Variants in FHAD1 observed in about 807,000 individuals in gnomAD.
The protein encoded by FHAD1 is forkhead associated phosphopeptide binding domain 1.
A neutral mutation model predicts 191.3 loss-of-function variants in FHAD1; 146 were observed. That is an observed-to-expected ratio of 0.76 (90% confidence interval 0.67 to 0.88). The LOEUF (loss-of-function observed/expected upper bound fraction) is 0.88. Among genes scored for constraint, FHAD1 ranks in the 40% least tolerant of loss-of-function variants. The pLI is 0.00. For synonymous variants in FHAD1, 616 were observed against 672.3 expected, an observed-to-expected ratio of 0.92 and a Z score of 1.29; for missense variants, 1,635 against 1,785.8, an observed-to-expected ratio of 0.92 and a Z score of 1.52.
chr1:15,324,177 T>C (rs1388321725), intron 10 of FHAD1, among the ~76,000 whole-genome samples: 2 of 152,198 alleles, frequency 1.3e-5, no homozygotes, highest in Non-Finnish European at 2.9e-5. Context: ...ATGACTTTGC[T>C]GAGGTCATAC....
chr1:15,272,472 C>G lies in FHAD1; in HGVS notation c.243C>G (p.Ile81Met), dbSNP rs1422727480. The change falls in exon 3 of 34, where the codon ATC (isoleucine) becomes ATG (methionine). Residue 81 changes from isoleucine to methionine, a missense_variant. By Grantham distance (10) the Ile-to-Met change is conservative. Coordinates refer to ENST00000688493, the MANE Select transcript of FHAD1 (RefSeq NM_001391957.1). ...NVAVKLIPGDILRFGSAGLTY... is the reference protein window; with the variant it reads ...NVAVKLIPGDMLRFGSAGLTY... Reference sequence around the variant, plus strand: ...CTGTGAAGCTCATCCCTGGAGACATCCTGAGATTTGGGTCTGCAGGGCTGA... The same window carrying G: ...CTGTGAAGCTCATCCCTGGAGACATGCTGAGATTTGGGTCTGCAGGGCTGA... 1 of 1,551,106 alleles carries G rather than the reference C, an allele frequency of 6.4e-7. No homozygotes were observed. The highest frequency in any genetic ancestry group is 2.0e-5 in the Admixed American group (1 of 51,004).
At chr1:15,284,706 C>T (rs1042114710) in intron 3 of FHAD1, among the ~76,000 whole-genome samples, 1 of 152,090 alleles carries the variant, frequency 6.6e-6, no homozygotes, top group Non-Finnish European at 1.5e-5. Flanking sequence ...ACAAGGAGAT[C>T]ATCCGGAAAC....
At position 15,276,232 on chromosome 1, in the gene FHAD1, T is replaced by C. The variant is rs187191948; in HGVS notation, c.300+3703T>C. Among the ~76,000 whole-genome samples the C allele has an allele frequency of 3.3e-5, 5 of 152,308 alleles. No individual in the cohort carries two copies. In the East Asian group the frequency reaches 7.7e-4, roughly 24 times the overall value. On this transcript the variant is annotated intron_variant, in intron 3 of 33. Transcript: ENST00000688493. This position sits in a 1 kb window ranked among gnomAD's most constrained non-coding sequence, Gnocchi z 4.7. ...GGTTACTGTAGTAGTAAACGGGTCA[T>C]TGTTTGCAAATTGCTTAGCCCAGTA...
chr1:15,328,516 C>A, intron 13 of FHAD1, 87 bp downstream of exon 13: 7 of 1,130,160 alleles, frequency 6.2e-6, no homozygotes, highest in Non-Finnish European at 7.0e-6. Flanking sequence ...TTTTTTGGAG[C>A]AAGTTGGGCA....
intron 26 of FHAD1, 102 bp downstream of exon 26, chr1:15,369,604 G>T: frequency 7.4e-7 from 1 of 1,348,270 alleles, no homozygotes; most frequent in Admixed American, 2.3e-5. Context: ...AGTTCCAAAA[G>T]TATGGCTTGC....
rs1272762232 is a variant in FHAD1, at chr1:15,388,039, C to G, written c.4189-12C>G. On this transcript the variant is annotated splice_polypyrimidine_tract_variant and intron_variant, in intron 31 of 33. Transcript: ENST00000688493. ...TTAGCACTCTCTTGCTAACCTGATACTTTTCACTCAGGAAAGTGTAGAGGA... is the reference window on the plus strand; with the variant it reads ...TTAGCACTCTCTTGCTAACCTGATAGTTTTCACTCAGGAAAGTGTAGAGGA... The G allele has an allele frequency of 7.8e-7, 1 of 1,285,906 alleles. No homozygotes were observed. The highest frequency in any genetic ancestry group is 1.0e-6 in the Non-Finnish European group (1 of 985,376). 79.7% of individuals were successfully genotyped at this position (1,285,906 alleles called of 1,614,324 possible).
intron 8 of FHAD1, among the ~76,000 whole-genome samples, chr1:15,313,984 T>G (rs1454617431): frequency 6.6e-6 from 1 of 151,502 alleles, no homozygotes; most frequent in African/African-American, 2.4e-5. Flanking sequence ...AGCTTGAACC[T>G]GGGAGGCAGA....
chr1:15,293,376 T>C (rs1665576574), intron 4 of FHAD1, among the ~76,000 whole-genome samples: 1 of 152,248 alleles, frequency 6.6e-6, no homozygotes, highest in African/African-American at 2.4e-5. Context: ...TGAGGCTTTT[T>C]TCACTCTGCA....
intron 33 of FHAD1, among the ~76,000 whole-genome samples, chr1:15,392,927 C>G (rs537847980): frequency 1.3e-5 from 2 of 152,116 alleles, no homozygotes; most frequent in Middle Eastern, 3.4e-3. Flanking sequence ...GAGAGAAGGG[C>G]GAACAAAAAG....
At chr1:15,292,236 C>T (rs145111349) in intron 4 of FHAD1, among the ~76,000 whole-genome samples, 44 of 152,322 alleles carry the variant, frequency 2.9e-4, no homozygotes, top group African/African-American at 1.0e-3. Flanking sequence ...AAACCTCTGC[C>T]TCCCAGGTTC....
At position 15,327,036 on chromosome 1, in the gene FHAD1, C is replaced by T. The variant is rs1044310721; in HGVS notation, c.1474-23C>T. On this transcript the variant is annotated intron_variant, in intron 11 of 33. Transcript: ENST00000688493. The surrounding 1 kb of genome is among the most constrained non-coding windows in gnomAD (Gnocchi z 5.1). ...GCCGGCCCCTGCTGACCCCCTGACA[C>T]TGTTGCCCCCTCTCTGCTGCAGCTG... The T allele has an allele frequency of 3.9e-6, 6 of 1,521,420 alleles. No individual in the cohort carries two copies. Among genetic ancestry groups the T allele is most frequent in the African/African-American group, 2.8e-5 (2 of 72,518 alleles). 94.2% of individuals were successfully genotyped at this position (1,521,420 alleles called of 1,614,324 possible).
chr1:15,294,498 A>G (rs1666263662), intron 4 of FHAD1, among the ~76,000 whole-genome samples: 1 of 152,002 alleles, frequency 6.6e-6, no homozygotes, highest in South Asian at 2.1e-4. Flanking sequence ...GGTTCAAGCG[A>G]TTCTCCTGCC....
chr1:15,385,303 G>C (rs1304730980), intron 31 of FHAD1, among the ~76,000 whole-genome samples: 1 of 152,120 alleles, frequency 6.6e-6, no homozygotes, highest in Non-Finnish European at 1.5e-5. Flanking sequence ...TTTTCACAAA[G>C]AGTCGATTTT....
At chr1:15,342,016 T>A in intron 16 of FHAD1, 128 bp downstream of exon 16, 1 of 721,036 alleles carries the variant, frequency 1.4e-6, no homozygotes, top group Non-Finnish European at 2.1e-6. Context: ...GAAACTAAAT[T>A]AATTAAACAG....
chr1:15,395,948 A>G (rs1705813402), intron 33 of FHAD1, among the ~76,000 whole-genome samples: 1 of 152,210 alleles, frequency 6.6e-6, no homozygotes, highest in African/African-American at 2.4e-5. Flanking sequence ...AGTCAGTAAC[A>G]GCCTTTCAGG....
chr1:15,277,885 A>T (rs1418250039), intron 3 of FHAD1, among the ~76,000 whole-genome samples: 1 of 152,182 alleles, frequency 6.6e-6, no homozygotes. Context: ...TACTATACGT[A>T]CCAGGAAGTG....
At chr1:15,398,689 C>A (rs1706710066), downstream of FHAD1, among the ~76,000 whole-genome samples, 1 of 152,020 alleles carries the variant, frequency 6.6e-6, no homozygotes, top group South Asian at 2.1e-4. Flanking sequence ...TTGGAGAGAC[C>A]CCCATTTTCC....
rs1271966760 is a variant in FHAD1 at position 15,374,640 on chromosome 1, C to T, written c.3577+9C>T. On this transcript the variant is annotated intron_variant, in intron 27 of 33. Transcript: ENST00000688493. ...GAAGGCGCGCTCACCAGGTAAGTCT[C>T]CTCCTTCCTAGTCAGAGCAGTGGAC... The T allele has an allele frequency of 4.5e-6, 7 of 1,550,788 alleles. No homozygotes were observed. The highest frequency in any genetic ancestry group is 1.2e-5 in the South Asian group (1 of 84,004).
At chr1:15,388,279 C>CCTCCCTCCCTCCCCTCCCCA in intron 32 of FHAD1, 148 bp downstream of exon 32, 1 of 355,024 alleles carries the variant, frequency 2.8e-6, no homozygotes. Flanking sequence ...CTCTGCCCCT[C>CCTCCCTCCCTCCCCTCCCCA]GTCCCTCCCT....
Sources: allele counts gnomAD v4.1 joint callset (sites outside exome capture counted in the v4.1 genomes callset), GRCh38; gene constraint gnomAD v4.1.1; non-coding constraint Gnocchi (gnomAD v3.1); transcripts MANE v1.5; gene names NCBI Gene and HGNC (gene_info 2026-07-23, HGNC 2026-07-21).